Variants in DNAH5 observed in about 807,000 individuals in gnomAD.
The protein encoded by DNAH5 is axonemal beta dynein heavy chain 5.
A neutral mutation model predicts 518.2 loss-of-function variants in DNAH5; 372 were observed. That is an observed-to-expected ratio of 0.72 (90% CI 0.66 to 0.78). The LOEUF (loss-of-function observed/expected upper bound fraction) is 0.78, where lower values mean the gene tolerates loss of function less well. Ranked by LOEUF, DNAH5 falls within the 30% of genes least tolerant of loss-of-function variation. DNAH5 has a pLI of 0.00. For synonymous variants in DNAH5, 2,039 were observed against 2,025.9 expected (o/e 1.01, Z -0.17); for missense variants, 5,523 against 5,687.0 (o/e 0.97, Z 0.93).
rs567830333 is a variant in DNAH5 at position 13,843,779 on chromosome 5, CA to C, written c.5271+1057del. 7.9e-5 allele frequency among the ~76,000 whole-genome samples: 12 copies of C among 152,312 alleles called. No homozygotes were observed. In the South Asian group the frequency reaches 2.1e-3, roughly 26 times the overall value. On this transcript the variant is annotated intron_variant, in intron 32 of 78. Transcript: ENST00000265104. Reference sequence around the variant, plus strand: ...TCTACTTACCTTCAAAACATCAGTGCAAATTTATATTCTGCAGAAAGCCCTC... The same window carrying C: ...TCTACTTACCTTCAAAACATCAGTGCAATTTATATTCTGCAGAAAGCCCTC...
Position 13,888,800 on chromosome 5 carries a change from T to C in DNAH5, c.2577+2176A>G, listed in dbSNP as rs115023098. ...GCCATACTCTCTGACACAATAATTTTATTTTGGGGAGGGAATAACATTAAA... is the reference window on the plus strand; with the variant it reads ...GCCATACTCTCTGACACAATAATTTCATTTTGGGGAGGGAATAACATTAAA... On this transcript the variant is annotated intron_variant, in intron 17 of 78. Transcript: ENST00000265104. 1.7e-3 allele frequency among the ~76,000 whole-genome samples: 252 copies of C among 152,322 alleles called. 2 individuals are homozygous for C. The highest frequency in any genetic ancestry group is 5.6e-3 in the African/African-American group (234 of 41,564).
rs1431535427 is a variant in DNAH5, at chr5:13,884,900, G to T, written c.2983+89C>A. The T allele has an allele frequency of 5.8e-6, 9 of 1,553,434 alleles. No homozygotes were observed. The African/African-American group carries it at 1.2e-4, about 20-fold the overall frequency. ...ATTTAAATTTAACAGGAATGTACAT[G>T]CACGTGCACACGTGCACACACACAC... is the stretch of plus-strand genomic sequence containing the variant. On this transcript the variant is annotated intron_variant, in intron 19 of 78. Coordinates refer to ENST00000265104, the MANE Select transcript of DNAH5 (RefSeq NM_001369.3).
At chr5:13,931,454 G>T (rs1451335438) in intron 1 of DNAH5, among the ~76,000 whole-genome samples, 1 of 152,012 alleles carries the variant, frequency 6.6e-6, no homozygotes, top group African/African-American at 2.4e-5. Flanking sequence ...TTGTGAAATT[G>T]CAGAATACAG....
chr5:13,832,084 C>A (rs992441474), intron 35 of DNAH5, among the ~76,000 whole-genome samples: 1 of 152,090 alleles, frequency 6.6e-6, no homozygotes, highest in Admixed American at 6.6e-5. Context: ...ATATAACAAA[C>A]CTCTATGACA....
intron 1 of DNAH5, among the ~76,000 whole-genome samples, chr5:13,968,190 T>C (rs1180547485): frequency 2.6e-5 from 4 of 152,226 alleles, no homozygotes; most frequent in Non-Finnish European, 5.9e-5. Context: ...TGAACTCATT[T>C]ATCAGTGCTA....
chr5:13,756,370 T>C (rs2126716072), intron 61 of DNAH5, among the ~76,000 whole-genome samples: 1 of 152,292 alleles, frequency 6.6e-6, no homozygotes, highest in Non-Finnish European at 1.5e-5. Context: ...TTGACATTTG[T>C]TGAAATTCAA....
At chr5:13,871,053 C>A (rs771566557) in intron 23 of DNAH5, 51 bp from the exon 24 acceptor site, 1 of 1,413,376 alleles carries the variant, frequency 7.1e-7, no homozygotes, top group Non-Finnish European at 9.9e-7. Flanking sequence ...CGAATCAGTA[C>A]GAAAAGTCAA....
chr5:13,776,550 A>C lies in DNAH5; in HGVS notation c.9262T>G (p.Phe3088Val). The C allele has an allele frequency of 1.2e-6, 2 of 1,613,956 alleles. No individual in the cohort carries two copies. Among genetic ancestry groups the C allele is most frequent in the Non-Finnish European group, 1.7e-6 (2 of 1,179,864 alleles). Residue 3088 changes from phenylalanine to valine, a missense_variant, in exon 55 of 79, where the codon TTC (phenylalanine) becomes GTC (valine). This residue lies in a region of DNAH5 where 5,121 missense variants were observed against 5,223.3 expected (regional missense o/e 0.98). Coordinates refer to ENST00000265104, the MANE Select transcript of DNAH5 (RefSeq NM_001369.3). ...CGAAATTTCTCCCCCACTGGCGAGA[A>C]GCAGAGCACAATATGAAGGTTCTGT... Reference protein sequence around the residue: ...VRQNLHIVLCFSPVGEKFRNR... With the variant: ...VRQNLHIVLCVSPVGEKFRNR...
At chr5:13,902,901 G>A (rs1336005173) in intron 12 of DNAH5, among the ~76,000 whole-genome samples, 1 of 152,100 alleles carries the variant, frequency 6.6e-6, no homozygotes, top group Admixed American at 6.5e-5. Flanking sequence ...AAAGCCCAGG[G>A]CCAAAAGATT....
intron 1 of DNAH5, among the ~76,000 whole-genome samples, chr5:14,004,745 A>G (rs1461583364): frequency 1.3e-5 from 2 of 152,158 alleles, no homozygotes; most frequent in Admixed American, 6.5e-5. Flanking sequence ...CTACTTTTCC[A>G]TCTTTCTTTT....
intron 49 of DNAH5, among the ~76,000 whole-genome samples, chr5:13,792,567 T>C (rs1757167138): frequency 1.3e-5 from 2 of 152,250 alleles, no homozygotes; most frequent in African/African-American, 4.8e-5. Flanking sequence ...CTAAGGTTTC[T>C]AGTTTCTGTC....
chr5:14,008,492 C>G (rs1490995200), intron 1 of DNAH5, among the ~76,000 whole-genome samples: 2 of 152,002 alleles, frequency 1.3e-5, no homozygotes, highest in African/African-American at 2.4e-5. Context: ...GGCTTGGTAG[C>G]AGGTGCCTGT....
chr5:13,819,158 G>A (rs915444543), intron 41 of DNAH5, among the ~76,000 whole-genome samples: 3 of 152,132 alleles, frequency 2.0e-5, no homozygotes, highest in South Asian at 4.1e-4. Context: ...CTTCGTCACT[G>A]CAACAAAAAT....
At chr5:13,777,137 T>C in intron 54 of DNAH5, 65 bp downstream of exon 54, 1 of 1,485,482 alleles carries the variant, frequency 6.7e-7, no homozygotes, top group Middle Eastern at 1.8e-4. Flanking sequence ...GAAGAAAACA[T>C]GTAGAGCTCT....
At chr5:13,878,446 G>C (rs1374931513) in intron 21 of DNAH5, among the ~76,000 whole-genome samples, 1 of 152,166 alleles carries the variant, frequency 6.6e-6, no homozygotes, top group Admixed American at 6.5e-5. Context: ...GTGTCTACTT[G>C]ATGGCCTGGC....
intron 1 of DNAH5, among the ~76,000 whole-genome samples, chr5:13,961,836 C>G (rs339436): frequency 0.84 from 128,141 of 151,984 alleles, 54,387 homozygotes; most frequent in East Asian, 1. Flanking sequence ...CTTCGAGAAG[C>G]CTGCCTTGAT....
intron 1 of DNAH5, among the ~76,000 whole-genome samples, chr5:14,010,572 G>A (rs979202422): frequency 6.6e-6 from 1 of 152,066 alleles, no homozygotes; most frequent in African/African-American, 2.4e-5. Context: ...GACAGAAAAT[G>A]AGAACAGTCA....
At chr5:13,720,617 T>C (rs1744921755) in intron 71 of DNAH5, among the ~76,000 whole-genome samples, 1 of 152,144 alleles carries the variant, frequency 6.6e-6, no homozygotes, top group South Asian at 2.1e-4. Flanking sequence ...CAAGCAATCC[T>C]TAGCCTCGGC....
intron 1 of DNAH5, among the ~76,000 whole-genome samples, chr5:13,953,246 G>A (rs1405200059): frequency 6.6e-6 from 1 of 152,102 alleles, no homozygotes; most frequent in Non-Finnish European, 1.5e-5. Context: ...CGGAGCAGAG[G>A]TGAAATGACA....
Sources: gnomAD v4.1 joint callset for allele counts (sites outside exome capture counted in the v4.1 genomes callset) on GRCh38, gnomAD v4.1.1 for gene constraint, gnomAD v4.1.1 regional missense constraint, MANE v1.5 for transcripts, NCBI Gene and HGNC (gene_info 2026-07-23, HGNC 2026-07-21) for gene names.